Variants in SRBD1 observed in about 807,000 individuals in gnomAD.
SRBD1 encodes S1 RNA-binding domain-containing protein 1.
Under a neutral mutation model 115.3 loss-of-function variants are expected in SRBD1, and 88 were observed. That is an observed-to-expected ratio of 0.76 (90% CI 0.64 to 0.91). The LOEUF (loss-of-function observed/expected upper bound fraction) is 0.91, where lower values mean the gene tolerates loss of function less well. Ranked by LOEUF, SRBD1 falls within the 40% of genes least tolerant of loss-of-function variation. SRBD1 has a pLI of 0.00. For synonymous variants in SRBD1, 509 were observed against 407.7 expected, an observed-to-expected ratio of 1.25 and a Z score of -2.99; for missense variants, 1,385 against 1,177.4, an observed-to-expected ratio of 1.18 and a Z score of -2.58.
Position 45,418,542 on chromosome 2 carries a change from C to T in SRBD1, c.2157-1G>A. ...GTTGGCATTGAGTCCTGCAATATGC[C>T]TAGAAAAAAAAAATAAGCAAACTGA... On this transcript the variant is annotated splice_acceptor_variant, in intron 17 of 20. Coordinates refer to ENST00000263736, the MANE Select transcript of SRBD1 (RefSeq NM_018079.5). LOFTEE classifies it high-confidence loss of function. The T allele has an allele frequency of 6.7e-7, 1 of 1,487,864 alleles. No individual in the cohort carries two copies. The allele number at this position is 1,487,864 out of a possible 1,614,324, so 92.2% of individuals were successfully genotyped here.
intron 9 of SRBD1, chr2:45,567,949 A>C (rs1219586308): frequency 6.6e-6 from 1 of 152,222 alleles, no homozygotes; most frequent in Non-Finnish European, 1.5e-5. Context: ...AAATCCTGAC[A>C]CACAGGAAGA....
chr2:45,562,362 G>A (rs572663117), intron 10 of SRBD1, among the ~76,000 whole-genome samples: 1 of 152,082 alleles, frequency 6.6e-6, no homozygotes, highest in Admixed American at 6.5e-5. Flanking sequence ...AAGTAGCGGG[G>A]ATTACAGGTG....
At chr2:45,524,484 C>T (rs1181716157) in intron 14 of SRBD1, among the ~76,000 whole-genome samples, 1 of 151,946 alleles carries the variant, frequency 6.6e-6, no homozygotes, top group Non-Finnish European at 1.5e-5. Context: ...TAAAAACCGA[C>T]TATTTCTACA....
intron 20 of SRBD1, 128 bp downstream of exon 20, chr2:45,392,817 T>C: frequency 1.0e-6 from 1 of 960,100 alleles, no homozygotes; most frequent in Non-Finnish European, 1.5e-6. Flanking sequence ...CCATGCTTTA[T>C]TTTTCTCATG....
intron 14 of SRBD1, among the ~76,000 whole-genome samples, chr2:45,537,037 CT>C (rs1245527978): frequency 6.6e-6 from 1 of 152,136 alleles, no homozygotes; most frequent in African/African-American, 2.4e-5. Context: ...CTATTCTTTT[CT>C]ATTTAACTTT....
intron 16 of SRBD1, among the ~76,000 whole-genome samples, chr2:45,468,006 A>G (rs1036565640): frequency 6.6e-6 from 1 of 152,142 alleles, no homozygotes; most frequent in African/African-American, 2.4e-5. Flanking sequence ...AAGAAATAAG[A>G]TATTATAAAT....
intron 9 of SRBD1, among the ~76,000 whole-genome samples, chr2:45,570,197 G>A (rs1010848947): frequency 6.6e-6 from 1 of 152,194 alleles, no homozygotes; most frequent in Admixed American, 6.5e-5. Flanking sequence ...TTTACCAACT[G>A]TATACTAGAC....
intron 3 of SRBD1, among the ~76,000 whole-genome samples, chr2:45,601,173 G>A (rs1057155906): frequency 6.6e-6 from 1 of 152,212 alleles, no homozygotes; most frequent in Non-Finnish European, 1.5e-5. Context: ...ATTGTGACAA[G>A]CATAATGCCT....
At chr2:45,584,123 C>A (rs1376286912) in intron 5 of SRBD1, among the ~76,000 whole-genome samples, 1 of 152,178 alleles carries the variant, frequency 6.6e-6, no homozygotes, top group African/African-American at 2.4e-5. Context: ...TTGCAAACTG[C>A]TGGCCTTCTA....
intron 4 of SRBD1, among the ~76,000 whole-genome samples, chr2:45,596,409 C>T (rs963771940): frequency 3.9e-5 from 6 of 152,178 alleles, no homozygotes; most frequent in Non-Finnish European, 7.3e-5. Context: ...TCTAGGTTAA[C>T]GGATTGCAGA....
intron 16 of SRBD1, among the ~76,000 whole-genome samples, chr2:45,476,657 T>C (rs1191167316): frequency 2.6e-5 from 4 of 152,178 alleles, no homozygotes; most frequent in Admixed American, 2.6e-4. Context: ...ATGATATCAC[T>C]ATTGTAATTA....
intron 16 of SRBD1, among the ~76,000 whole-genome samples, chr2:45,444,165 G>A (rs1360946418): frequency 1.3e-5 from 2 of 152,108 alleles, no homozygotes; most frequent in African/African-American, 4.8e-5. Context: ...CATAACTTTG[G>A]AAGGACAAGG....
chr2:45,559,859 T>A (rs1173483921), intron 10 of SRBD1, among the ~76,000 whole-genome samples: 1 of 152,090 alleles, frequency 6.6e-6, no homozygotes, highest in Non-Finnish European at 1.5e-5. Flanking sequence ...AGTTGGTGGA[T>A]CACTTGAGTT....
At chr2:45,408,197 T>C (rs1490824273) in intron 19 of SRBD1, among the ~76,000 whole-genome samples, 1 of 152,218 alleles carries the variant, frequency 6.6e-6, no homozygotes, top group Non-Finnish European at 1.5e-5. Flanking sequence ...TGGGCTTTTT[T>C]CTTCCCTGGG....
At chr2:45,481,144 TGA>T (rs1362668536) in intron 15 of SRBD1, among the ~76,000 whole-genome samples, 1 of 152,192 alleles carries the variant, frequency 6.6e-6, no homozygotes, top group Non-Finnish European at 1.5e-5. Context: ...ACATATTTTT[TGA>T]GATATAATGC....
intron 4 of SRBD1, among the ~76,000 whole-genome samples, chr2:45,590,469 T>C (rs1226893389): frequency 6.6e-6 from 1 of 152,234 alleles, no homozygotes; most frequent in Non-Finnish European, 1.5e-5. Flanking sequence ...CCTTGATTTG[T>C]AATCCCCATA....
chr2:45,414,627 T>TGTGTATA (rs1667721035), intron 18 of SRBD1, among the ~76,000 whole-genome samples: 1 of 128,864 alleles, frequency 7.8e-6, no homozygotes, highest in Non-Finnish European at 1.9e-5. Context: ...ACACACATAG[T>TGTGTATA]GTGTATATAG....
chr2:45,533,352 A>G (rs1275397824), intron 14 of SRBD1, among the ~76,000 whole-genome samples: 1 of 152,086 alleles, frequency 6.6e-6, no homozygotes, highest in Non-Finnish European at 1.5e-5. Flanking sequence ...ATCTACAGAG[A>G]TGGTTACTAA....
rs75538640 is a variant in SRBD1, at chr2:45,480,447, A to G, written c.1967-3372T>C. On this transcript the variant is annotated intron_variant, in intron 15 of 20. Coordinates refer to ENST00000263736, the MANE Select transcript of SRBD1 (RefSeq NM_018079.5). ...ACAGTGATTTCAACTCTCATGGATGACTTTGAGGGATTCAATATTTTGGTG... is the reference window on the plus strand; with the variant it reads ...ACAGTGATTTCAACTCTCATGGATGGCTTTGAGGGATTCAATATTTTGGTG... Among the ~76,000 whole-genome samples the G allele has an allele frequency of 2.6e-5, 4 of 152,336 alleles. No individual in the cohort carries two copies. The East Asian group carries it at 7.7e-4, about 29-fold the overall frequency.
Sources: allele counts gnomAD v4.1 joint callset (sites outside exome capture counted in the v4.1 genomes callset), GRCh38; gene constraint gnomAD v4.1.1; transcripts MANE v1.5; gene names NCBI Gene and HGNC (gene_info 2026-07-23, HGNC 2026-07-21).